The following NRBF2 variants were observed in gnomAD, a reference collection of about 807,000 sequenced individuals.
NRBF2 encodes the protein nuclear receptor binding factor 2.
A neutral mutation model predicts 28.5 loss-of-function variants in NRBF2; 12 were observed. The observed-to-expected ratio is 0.42, with a 90% CI of 0.27 to 0.68. NRBF2 has a LOEUF of 0.68. Among genes scored for constraint, NRBF2 ranks in the 30% least tolerant of loss-of-function variants. The probability of loss-of-function intolerance (pLI) is 0.24; values close to 1 mark genes in which losing one functional copy is unlikely to be tolerated. For missense variants in NRBF2, 274 were observed against 333.5 expected (o/e 0.82, Z 1.39); for synonymous variants, 102 against 116.5 (o/e 0.88, Z 0.80).
intron 1 of NRBF2, among the ~76,000 whole-genome samples, chr10:63,145,410 T>C (rs1355760376): frequency 1.3e-5 from 2 of 152,146 alleles, no homozygotes; most frequent in East Asian, 3.9e-4. Flanking sequence ...GGTTTCACCA[T>C]GTTGGCCAGG....
chr10:63,150,383 A>G (rs1377777220), intron 2 of NRBF2: 3 of 980,054 alleles, frequency 3.1e-6, no homozygotes, highest in Admixed American at 6.2e-5. Context: ...CAAAGACTGT[A>G]TAACCAACTC....
At chr10:63,143,493 T>C (rs555179934) in intron 1 of NRBF2, among the ~76,000 whole-genome samples, 1 of 152,100 alleles carries the variant, frequency 6.6e-6, no homozygotes, top group Non-Finnish European at 1.5e-5. Context: ...AGTCTCACTG[T>C]GTTGCCCAGG....
intron 1 of NRBF2, among the ~76,000 whole-genome samples, chr10:63,135,409 T>G (rs1841360118): frequency 6.6e-6 from 1 of 152,272 alleles, no homozygotes; most frequent in Admixed American, 6.5e-5. Context: ...CCCCGCCAAC[T>G]GCCCCACGAA....
At chr10:63,149,849 A>G (rs556326503) in intron 2 of NRBF2, among the ~76,000 whole-genome samples, 5 of 152,202 alleles carry the variant, frequency 3.3e-5, no homozygotes, top group Non-Finnish European at 7.3e-5. Context: ...AAACAGGGAG[A>G]CAAATATATG....
intron 1 of NRBF2, among the ~76,000 whole-genome samples, chr10:63,140,272 A>G (rs1193262850): frequency 6.6e-6 from 1 of 152,206 alleles, no homozygotes; most frequent in East Asian, 1.9e-4. Flanking sequence ...ACAGCTGTAG[A>G]CCTCAATCTA....
chr10:63,136,719 C>A (rs534141335), intron 1 of NRBF2, among the ~76,000 whole-genome samples: 2 of 152,180 alleles, frequency 1.3e-5, no homozygotes, highest in Non-Finnish European at 2.9e-5. Context: ...TCATCATGTT[C>A]ATTTCAGTAT....
At position 63,133,373 on chromosome 10, in the gene NRBF2, C is replaced by G. The variant is rs573469226; in HGVS notation, c.-98C>G. On this transcript the variant is annotated 5_prime_UTR_variant, in exon 1 of 4. Coordinates refer to ENST00000277746, the MANE Select transcript of NRBF2 (RefSeq NM_030759.5). ...TGGCTCTTGGGGCGCAGAGAGGGGC[C>G]GCAGTCTCCGCGGCTGCGTCGAGCT... 4 of 1,413,434 alleles carry G rather than the reference C, an allele frequency of 2.8e-6. No homozygotes were observed. Among genetic ancestry groups the G allele is most frequent in the Admixed American group, 3.7e-5 (2 of 54,610 alleles). The allele number at this position is 1,413,434 out of a possible 1,614,324, so 87.6% of individuals were successfully genotyped here.
chr10:63,141,921 AG>A (rs1276917307), intron 1 of NRBF2, among the ~76,000 whole-genome samples: 1 of 152,158 alleles, frequency 6.6e-6, no homozygotes, highest in Non-Finnish European at 1.5e-5. Context: ...AACTATAATG[AG>A]ATTTAACTCC....
At chr10:63,136,868 A>C (rs1841386976) in intron 1 of NRBF2, among the ~76,000 whole-genome samples, 1 of 152,232 alleles carries the variant, frequency 6.6e-6, no homozygotes, top group South Asian at 2.1e-4. Context: ...GGAAGAGACT[A>C]GTTTGAAATA....
At chr10:63,147,222 C>T (rs773743088) in intron 2 of NRBF2, among the ~76,000 whole-genome samples, 1 of 151,910 alleles carries the variant, frequency 6.6e-6, no homozygotes, top group African/African-American at 2.4e-5. Flanking sequence ...TGTTATTTTA[C>T]TTGTGAAATA....
intron 1 of NRBF2, among the ~76,000 whole-genome samples, chr10:63,144,923 C>T (rs1442038257): frequency 2.0e-5 from 3 of 152,018 alleles, no homozygotes; most frequent in Non-Finnish European, 4.4e-5. Context: ...TGAGGAAAAT[C>T]GTTACATGAG....
intron 1 of NRBF2, among the ~76,000 whole-genome samples, chr10:63,135,647 C>CTTTTTT: frequency 7.7e-6 from 1 of 129,460 alleles, no homozygotes; most frequent in Non-Finnish European, 1.7e-5. Flanking sequence ...ATCTTGAATT[C>CTTTTTT]TTTTTTTTTT....
At chr10:63,146,454 G>C (rs1358217621) in intron 2 of NRBF2, among the ~76,000 whole-genome samples, 161 bp downstream of exon 2, 1 of 152,204 alleles carries the variant, frequency 6.6e-6, no homozygotes, top group Non-Finnish European at 1.5e-5. Flanking sequence ...CCCAGCTCCT[G>C]CTAATCCAAT....
rs1310113194 is a variant in NRBF2 at position 63,153,791 on chromosome 10, A to G, written c.437A>G (p.Gln146Arg). ...CCAGACACACTACTTTATTTACTTC[A>G]GCAAAAGAGTGAGCCAGCAGAGCCA... ...RDPDTLLYLL[Q>R]QKSEPAEPCI... Residue 146 changes from glutamine to arginine, a missense_variant, in exon 4 of 4, where the codon CAG (glutamine) becomes CGG (arginine). Coordinates refer to ENST00000277746, the MANE Select transcript of NRBF2 (RefSeq NM_030759.5). The G allele has an allele frequency of 6.2e-7, 1 of 1,613,042 alleles. No individual in the cohort carries two copies. Among genetic ancestry groups the G allele is most frequent in the East Asian group, 2.2e-5 (1 of 44,888 alleles).
chr10:63,135,710 G>T (rs1841365106), intron 1 of NRBF2, among the ~76,000 whole-genome samples: 1 of 149,680 alleles, frequency 6.7e-6, no homozygotes. Context: ...GCAGTGGCGC[G>T]ATCTCAGCTC....
At position 63,153,685 on chromosome 10, in the gene NRBF2, G is replaced by A; in HGVS notation, c.331G>A (p.Gly111Ser). Residue 111 changes from glycine to serine, a missense_variant, in exon 4 of 4, where the codon GGC (glycine) becomes AGC (serine). Coordinates refer to ENST00000277746, the MANE Select transcript of NRBF2 (RefSeq NM_030759.5). Reference protein sequence around the residue: ...SHKPSAEDAEGQSPLSQKYSP... With the variant: ...SHKPSAEDAESQSPLSQKYSP... ...CAAACCCTCTGCAGAGGATGCAGAG[G>A]GCCAGAGTCCCCTTTCTCAGAAGTA... is the stretch of plus-strand genomic sequence containing the variant. 1 of 1,612,004 alleles carries A rather than the reference G, an allele frequency of 6.2e-7. No homozygotes were observed. The highest frequency in any genetic ancestry group is 1.1e-5 in the South Asian group (1 of 90,966).
chr10:63,141,497 C>T (rs570980933), intron 1 of NRBF2, among the ~76,000 whole-genome samples: 1 of 152,302 alleles, frequency 6.6e-6, no homozygotes, highest in East Asian at 1.9e-4. Context: ...ACTATATTGT[C>T]AACTTCTTGA....
chr10:63,133,362 C>G lies in NRBF2; in HGVS notation c.-109C>G. 7.7e-7 allele frequency: 1 copy of G among 1,307,036 alleles called. No homozygotes were observed. The highest frequency in any genetic ancestry group is 1.1e-6 in the Non-Finnish European group (1 of 926,012). The allele number at this position is 1,307,036 out of a possible 1,614,324, so 81.0% of individuals were successfully genotyped here. A position where few individuals can be genotyped will look rare whatever the true frequency, so the allele number is the denominator to read the frequency against. Reference sequence around the variant, plus strand: ...GCGCCTATCGCTGGCTCTTGGGGCGCAGAGAGGGGCCGCAGTCTCCGCGGC... The same window carrying G: ...GCGCCTATCGCTGGCTCTTGGGGCGGAGAGAGGGGCCGCAGTCTCCGCGGC... On this transcript the variant is annotated 5_prime_UTR_variant, in exon 1 of 4. Transcript: ENST00000277746.
chr10:63,153,579 G>A lies in NRBF2; in HGVS notation c.225G>A (p.Trp75Ter). The A allele has an allele frequency of 1.2e-6, 2 of 1,611,966 alleles. No homozygotes were observed. The highest frequency in any genetic ancestry group is 1.7e-6 in the Non-Finnish European group (2 of 1,179,856). The stretch of plus-strand genomic sequence containing the variant: ...AGCTCCTCCTCATCCAAGAGAGATG[G>A]AAAAGGGCCCAGCGTGAAGAAAGAT... ...MKQLLLIQER[W>*]KRAQREERLK... is the part of the protein sequence containing the mutation. Residue 75 changes from tryptophan (W) to a stop codon, truncating the protein, a stop_gained, in exon 4 of 4, where the codon TGG becomes TGA. Coordinates refer to ENST00000277746, the MANE Select transcript of NRBF2 (RefSeq NM_030759.5). LOFTEE classifies it high-confidence loss of function.
Sources: allele counts gnomAD v4.1 joint callset (sites outside exome capture counted in the v4.1 genomes callset), GRCh38; gene constraint gnomAD v4.1.1; transcripts MANE v1.5; gene names NCBI Gene and HGNC (gene_info 2026-07-23, HGNC 2026-07-21).